PCSK5: variants seen among roughly 807,000 people sequenced by gnomAD.
PCSK5 encodes the protein prohormone convertase 5.
A neutral mutation model predicts 233.2 loss-of-function variants in PCSK5; 129 were observed. The observed-to-expected ratio is 0.55, with a 90% CI of 0.48 to 0.64. The LOEUF (loss-of-function observed/expected upper bound fraction) is 0.64. PCSK5 is among the 30% of genes least tolerant of loss of function. The pLI, the probability that PCSK5 is intolerant of heterozygous loss-of-function variation, is 0.00. For synonymous variants in PCSK5, 825 were observed against 879.2 expected, an observed-to-expected ratio of 0.94 and a Z score of 1.09; for missense variants, 2,076 against 2,430.1, an observed-to-expected ratio of 0.85 and a Z score of 3.06.
intron 20 of PCSK5, among the ~76,000 whole-genome samples, chr9:76,222,992 T>G (rs1157318018): frequency 6.6e-6 from 1 of 152,222 alleles, no homozygotes; most frequent in Non-Finnish European, 1.5e-5. Context: ...TCATACTCTA[T>G]GATTTCTGGC....
At chr9:76,237,081 GA>G (rs1251445696) in intron 22 of PCSK5, among the ~76,000 whole-genome samples, 1 of 152,068 alleles carries the variant, frequency 6.6e-6, no homozygotes, top group African/African-American at 2.4e-5. Context: ...GGGGAACTCT[GA>G]AAAAAAGATT....
intron 20 of PCSK5, among the ~76,000 whole-genome samples, chr9:76,220,594 T>C (rs1825697805): frequency 6.6e-6 from 1 of 150,596 alleles, no homozygotes; most frequent in Non-Finnish European, 1.5e-5. Flanking sequence ...ACCCCACCCT[T>C]TGGGTCTGGT....
intron 10 of PCSK5, among the ~76,000 whole-genome samples, chr9:76,154,538 C>A (rs545041315): frequency 6.6e-6 from 1 of 152,224 alleles, no homozygotes; most frequent in East Asian, 1.9e-4. Context: ...AAAGCCCTGG[C>A]CCTGTCCAAG....
intron 3 of PCSK5, among the ~76,000 whole-genome samples, chr9:76,012,263 G>A (rs913143619): frequency 1.3e-5 from 2 of 152,180 alleles, no homozygotes; most frequent in African/African-American, 4.8e-5. Context: ...AGGACTTTCA[G>A]ATAACTCAAC....
intron 5 of PCSK5, among the ~76,000 whole-genome samples, chr9:76,053,233 G>T (rs193241729): frequency 8.4e-4 from 128 of 152,218 alleles, no homozygotes; most frequent in Middle Eastern, 3.4e-3. Flanking sequence ...CACTCTTTTG[G>T]GGGGGCTCCC....
chr9:75,898,283 A>C (rs1029026009), intron 1 of PCSK5, among the ~76,000 whole-genome samples: 2 of 152,210 alleles, frequency 1.3e-5, no homozygotes, highest in African/African-American at 4.8e-5. Context: ...TAAATCCAAG[A>C]GTTTCAAAAA....
Position 76,052,868 on chromosome 9 carries a change from A to G in PCSK5, c.633-15087A>G, listed in dbSNP as rs1419782567. Among the ~76,000 whole-genome samples, 4 of 152,320 alleles carry G rather than the reference A, an allele frequency of 2.6e-5. No individual in the cohort carries two copies. The East Asian group carries it at 7.7e-4, about 29-fold the overall frequency. On this transcript the variant is annotated intron_variant, in intron 5 of 37. Transcript: ENST00000674117. ...TAGAATGGGGTACAGGCATGGGTAA[A>G]TACATCCATTTCAAATGGGATAAAT...
intron 30 of PCSK5, among the ~76,000 whole-genome samples, chr9:76,314,534 A>T (rs1828962881): frequency 6.6e-6 from 1 of 152,208 alleles, no homozygotes; most frequent in Admixed American, 6.5e-5. Flanking sequence ...TATAACAGGA[A>T]CATAACCTGC....
At chr9:75,953,356 A>G (rs963979683) in intron 2 of PCSK5, among the ~76,000 whole-genome samples, 5 of 152,136 alleles carry the variant, frequency 3.3e-5, no homozygotes, top group Admixed American at 3.3e-4. Flanking sequence ...CGTAGCAACC[A>G]CCAATAAATA....
intron 32 of PCSK5, among the ~76,000 whole-genome samples, chr9:76,324,903 C>T (rs1829316343): frequency 6.6e-6 from 1 of 151,902 alleles, no homozygotes; most frequent in Non-Finnish European, 1.5e-5. Flanking sequence ...CTAACAACCG[C>T]GAGAGCCTGA....
At chr9:76,264,747 G>A (rs1412604918) in intron 24 of PCSK5, among the ~76,000 whole-genome samples, 1 of 151,918 alleles carries the variant, frequency 6.6e-6, no homozygotes, top group Non-Finnish European at 1.5e-5. Flanking sequence ...TCAAGCCTGT[G>A]GAGAAAAGAG....
At chr9:76,217,734 C>T (rs1225922409) in intron 20 of PCSK5, among the ~76,000 whole-genome samples, 1 of 152,212 alleles carries the variant, frequency 6.6e-6, no homozygotes, top group Non-Finnish European at 1.5e-5. Context: ...AAGAGCCATC[C>T]TCTCTACTGT....
intron 5 of PCSK5, among the ~76,000 whole-genome samples, chr9:76,040,349 C>G (rs71499126): frequency 0.034 from 1,730 of 51,210 alleles, 1 homozygote; most frequent in African/African-American, 0.071. Flanking sequence ...CTCTCTCTCT[C>G]TCTCTCTCTC....
At position 76,168,157 on chromosome 9, in the gene PCSK5, T is replaced by C. The variant is rs1823166032; in HGVS notation, c.1620-1547T>C. Among the ~76,000 whole-genome samples, 4 of 152,256 alleles carry C rather than the reference T, an allele frequency of 2.6e-5. No homozygotes were observed. In the South Asian group the frequency reaches 8.3e-4, roughly 32 times the overall value. ...ATGCTATATACCTGCATAAGTGATGTGTTTATTTATTTGAGACAGAGTCTC... is the reference window on the plus strand; with the variant it reads ...ATGCTATATACCTGCATAAGTGATGCGTTTATTTATTTGAGACAGAGTCTC... On this transcript the variant is annotated intron_variant, in intron 12 of 37. Coordinates refer to ENST00000674117, the MANE Select transcript of PCSK5 (RefSeq NM_001372043.1).
At chr9:76,353,923 C>T (rs139301988) in intron 36 of PCSK5, 110 bp from the exon 37 acceptor site, 3 of 744,400 alleles carry the variant, frequency 4.0e-6, no homozygotes, top group Admixed American at 2.7e-5. Context: ...CTTCTGCTGT[C>T]CCCCACACAT....
rs534715144 is a variant in PCSK5 at position 76,086,789 on chromosome 9, A to G, written c.895-9101A>G. Among the ~76,000 whole-genome samples, 5 of 152,274 alleles carry G rather than the reference A, an allele frequency of 3.3e-5. No homozygotes were observed. The South Asian group carries it at 1.0e-3, about 32-fold the overall frequency. Reference sequence around the variant, plus strand: ...CTAGCCTCTAACTGGCTCTGGTAACATCATTTCCTTAGTTCCCTTATGTAG... The same window carrying G: ...CTAGCCTCTAACTGGCTCTGGTAACGTCATTTCCTTAGTTCCCTTATGTAG... On this transcript the variant is annotated intron_variant, in intron 7 of 37. Coordinates refer to ENST00000674117, the MANE Select transcript of PCSK5 (RefSeq NM_001372043.1).
intron 10 of PCSK5, among the ~76,000 whole-genome samples, chr9:76,134,501 T>C (rs943769950): frequency 3.3e-5 from 5 of 152,034 alleles, no homozygotes; most frequent in Non-Finnish European, 7.4e-5. Context: ...TACTATTTGC[T>C]GTCACTGAAT....
intron 1 of PCSK5, among the ~76,000 whole-genome samples, chr9:75,931,387 A>G (rs1485038885): frequency 6.6e-6 from 1 of 152,084 alleles, no homozygotes; most frequent in African/African-American, 2.4e-5. Flanking sequence ...ATTTGCCTAA[A>G]GCATGTGAGT....
chr9:76,308,640 T>C lies in PCSK5; in HGVS notation c.3605-5T>C, dbSNP rs992972161. 9.0e-6 allele frequency: 14 copies of C among 1,560,932 alleles called. No homozygotes were observed. The African/African-American group carries it at 1.5e-4, about 17-fold the overall frequency. On this transcript the variant is annotated splice_polypyrimidine_tract_variant and splice_region_variant and intron_variant, in intron 28 of 37. Transcript: ENST00000674117. Reference sequence around the variant, plus strand: ...AGCCTGAACTGTTGTTTCTTTCTCATACAGATATTTTGAGAAAACTCCAGC... The same window carrying C: ...AGCCTGAACTGTTGTTTCTTTCTCACACAGATATTTTGAGAAAACTCCAGC...
Sources: allele counts gnomAD v4.1 joint callset (sites outside exome capture counted in the v4.1 genomes callset), GRCh38; gene constraint gnomAD v4.1.1; transcripts MANE v1.5; gene names NCBI Gene and HGNC (gene_info 2026-07-23, HGNC 2026-07-21).